Variants in PLCB1 observed in about 807,000 individuals in gnomAD.
The protein encoded by PLCB1 is phospholipase C beta 1.
PLCB1 carries 46 observed loss-of-function variants against 161.8 expected under a neutral mutation model. The ratio of observed to expected loss-of-function variants is 0.28; its 90% CI spans 0.22 to 0.36. The LOEUF (loss-of-function observed/expected upper bound fraction) is 0.36. Among genes scored for constraint, PLCB1 ranks in the 10% least tolerant of loss-of-function variants. The pLI is 1.00. For missense variants in PLCB1, 1,016 were observed against 1,472.5 expected (o/e 0.69, Z 5.07); for synonymous variants, 517 against 503.7 (o/e 1.03, Z -0.35).
At chr20:8,384,305 G>T (rs1987355165) in intron 3 of PLCB1, among the ~76,000 whole-genome samples, 1 of 151,606 alleles carries the variant, frequency 6.6e-6, no homozygotes, top group Admixed American at 6.6e-5. Context: ...TCTTCTGCTT[G>T]ATTGATTTGG....
intron 3 of PLCB1, among the ~76,000 whole-genome samples, chr20:8,578,671 G>T (rs1986748537): frequency 6.6e-6 from 1 of 152,184 alleles, no homozygotes; most frequent in African/African-American, 2.4e-5. Context: ...ATTTCTCTGG[G>T]CTTTGTAAAC....
chr20:8,147,696 G>A (rs193013222), intron 1 of PLCB1, among the ~76,000 whole-genome samples: 125 of 152,226 alleles, frequency 8.2e-4, no homozygotes, highest in African/African-American at 3.0e-3. Flanking sequence ...AAGCGGGCAG[G>A]GAGCCGAGAT....
intron 3 of PLCB1, among the ~76,000 whole-genome samples, chr20:8,471,036 A>G (rs989654250): frequency 1.3e-5 from 2 of 152,198 alleles, no homozygotes; most frequent in South Asian, 4.1e-4. Flanking sequence ...AATTATGAAC[A>G]GGTTAATATT....
chr20:8,319,103 A>G (rs1192204727), intron 2 of PLCB1, among the ~76,000 whole-genome samples: 1 of 152,212 alleles, frequency 6.6e-6, no homozygotes. Context: ...TAATTATGCA[A>G]TGACTGCTTT....
At chr20:8,323,099 G>A (rs1984989382) in intron 2 of PLCB1, among the ~76,000 whole-genome samples, 1 of 152,122 alleles carries the variant, frequency 6.6e-6, no homozygotes, top group East Asian at 1.9e-4. Flanking sequence ...AGTCCCAAGA[G>A]GGATTTGAAG....
chr20:8,345,320 AG>A (rs1228646195), intron 2 of PLCB1, among the ~76,000 whole-genome samples: 1 of 152,150 alleles, frequency 6.6e-6, no homozygotes, highest in Non-Finnish European at 1.5e-5. Flanking sequence ...TGTTTAAGTC[AG>A]GGGACAAGCC....
intron 3 of PLCB1, 193 bp downstream of exon 3, chr20:8,371,643 G>A (rs1244457315): frequency 4.7e-6 from 2 of 429,022 alleles, no homozygotes; most frequent in Non-Finnish European, 8.2e-6. Flanking sequence ...CTCTTGGACA[G>A]AGGGGCTTGC....
At chr20:8,551,192 T>C (rs1200593262) in intron 3 of PLCB1, among the ~76,000 whole-genome samples, 1 of 152,152 alleles carries the variant, frequency 6.6e-6, no homozygotes, top group Non-Finnish European at 1.5e-5. Flanking sequence ...ACCTTCAGGT[T>C]AGCTATAACC....
chr20:8,668,371 A>ATAAAATAAT (rs1989866021), intron 9 of PLCB1, among the ~76,000 whole-genome samples: 1 of 152,176 alleles, frequency 6.6e-6, no homozygotes, highest in Non-Finnish European at 1.5e-5. Context: ...ATTATCTCCA[A>ATAAAATAAT]GCTAGGGATA....
intron 18 of PLCB1, among the ~76,000 whole-genome samples, chr20:8,731,133 A>G (rs1980221114): frequency 6.6e-6 from 1 of 151,722 alleles, no homozygotes; most frequent in Non-Finnish European, 1.5e-5. Context: ...TTAAGTATCT[A>G]TCAAGCTCTA....
rs140498661 is a variant in PLCB1 at position 8,846,373 on chromosome 20, C to T, written c.3424-35249C>T. On this transcript the variant is annotated intron_variant, in intron 31 of 31. Coordinates refer to ENST00000338037, the MANE Select transcript of PLCB1 (RefSeq NM_015192.4). ...ATGAGATTTGAGGGAGGACACAAAT[C>T]CAAACCATATCACCTATGGTTTGGG... Among the ~76,000 whole-genome samples, 7 of 150,974 alleles carry T rather than the reference C, an allele frequency of 4.6e-5. No individual in the cohort carries two copies. In the South Asian group the frequency reaches 1.5e-3, roughly 31 times the overall value.
intron 3 of PLCB1, among the ~76,000 whole-genome samples, chr20:8,474,224 T>C (rs984333421): frequency 1.3e-5 from 2 of 152,186 alleles, no homozygotes; most frequent in African/African-American, 4.8e-5. Context: ...ATTCCTCTTT[T>C]TATACATAAT....
At chr20:8,615,400 T>C (rs1006002292) in intron 3 of PLCB1, among the ~76,000 whole-genome samples, 6 of 152,194 alleles carry the variant, frequency 3.9e-5, no homozygotes, top group Non-Finnish European at 8.8e-5. Context: ...AAATCACTAT[T>C]CAAAACCACC....
At chr20:8,286,936 C>T (rs925230527) in intron 2 of PLCB1, among the ~76,000 whole-genome samples, 5 of 152,082 alleles carry the variant, frequency 3.3e-5, no homozygotes, top group African/African-American at 1.2e-4. Context: ...GGACTTTTGT[C>T]TATACTTCTT....
intron 23 of PLCB1, among the ~76,000 whole-genome samples, chr20:8,755,933 G>A (rs1165391228): frequency 6.6e-6 from 1 of 152,252 alleles, no homozygotes; most frequent in Non-Finnish European, 1.5e-5. Context: ...CTAGGCAGGT[G>A]TCCTCACAGA....
chr20:8,158,701 G>A (rs1334310536), intron 2 of PLCB1, among the ~76,000 whole-genome samples: 1 of 152,174 alleles, frequency 6.6e-6, no homozygotes, highest in Non-Finnish European at 1.5e-5. Flanking sequence ...GGAGGTATAG[G>A]CATTGGGTAA....
chr20:8,608,195 C>T (rs547736389), intron 3 of PLCB1, among the ~76,000 whole-genome samples: 1 of 152,144 alleles, frequency 6.6e-6, no homozygotes, highest in Admixed American at 6.5e-5. Context: ...AAAAATAAAA[C>T]CATAAATACA....
intron 2 of PLCB1, among the ~76,000 whole-genome samples, chr20:8,180,971 A>T (rs367916204): frequency 7.1e-6 from 1 of 141,342 alleles, no homozygotes; most frequent in East Asian, 2.1e-4. Flanking sequence ...GTGTGTGTGT[A>T]TGTATGTGTG....
At chr20:8,780,765 G>A (rs889185403) in intron 27 of PLCB1, among the ~76,000 whole-genome samples, 25 of 152,228 alleles carry the variant, frequency 1.6e-4, no homozygotes, top group Admixed American at 1.3e-3. Context: ...AGGGTCATAT[G>A]TCCTCATTTC....
Sources: allele counts gnomAD v4.1 joint callset (sites outside exome capture counted in the v4.1 genomes callset), GRCh38; gene constraint gnomAD v4.1.1; transcripts MANE v1.5; gene names NCBI Gene and HGNC (gene_info 2026-07-23, HGNC 2026-07-21).